Variants in NAALADL2 observed in about 807,000 individuals in gnomAD.
NAALADL2 encodes N-acetylated alpha-linked acidic dipeptidase like 2.
Under a neutral mutation model 87.2 loss-of-function variants are expected in NAALADL2, and 76 were observed. The ratio of observed to expected loss-of-function variants is 0.87; its 90% CI spans 0.72 to 1.05. The LOEUF is 1.05. Among genes scored for constraint, NAALADL2 ranks in the 50% least tolerant of loss-of-function variants. The pLI is 0.00. For missense variants in NAALADL2, 1,089 were observed against 945.8 expected (o/e 1.15, Z -1.99); for synonymous variants, 354 against 331.0 (o/e 1.07, Z -0.75).
intron 10 of NAALADL2, among the ~76,000 whole-genome samples, chr3:175,582,194 GA>G (rs1347629161): frequency 1.3e-5 from 2 of 150,668 alleles, no homozygotes; most frequent in Admixed American, 6.6e-5. Context: ...ATAAACACAA[GA>G]AGTTGAAATA....
chr3:175,458,803 C>T (rs1419542717), intron 6 of NAALADL2, among the ~76,000 whole-genome samples: 1 of 151,992 alleles, frequency 6.6e-6, no homozygotes, highest in Non-Finnish European at 1.5e-5. Flanking sequence ...ACAGGCTATT[C>T]ACTCTATATC....
intron 1 of NAALADL2, among the ~76,000 whole-genome samples, chr3:174,489,520 T>C (rs1310346818): frequency 6.6e-6 from 1 of 152,054 alleles, no homozygotes; most frequent in Non-Finnish European, 1.5e-5. Flanking sequence ...TGTTTTGTTT[T>C]GCAAATTATA....
intron 4 of NAALADL2, among the ~76,000 whole-genome samples, chr3:175,275,596 G>A (rs1264396326): frequency 1.3e-5 from 2 of 151,892 alleles, no homozygotes; most frequent in Non-Finnish European, 2.9e-5. Flanking sequence ...CAAAATGACT[G>A]TATTATGACA....
chr3:174,893,316 C>A (rs968500636), intron 1 of NAALADL2, among the ~76,000 whole-genome samples: 3 of 142,908 alleles, frequency 2.1e-5, no homozygotes, highest in Non-Finnish European at 4.6e-5. Context: ...TTCAACCCCC[C>A]CCCGCAAAAA....
chr3:174,759,351 C>T (rs981331927), intron 3 of NAALADL2, among the ~76,000 whole-genome samples: 1 of 152,130 alleles, frequency 6.6e-6, no homozygotes, highest in Non-Finnish European at 1.5e-5. Context: ...ATTTGTTTGC[C>T]TGTGCAAACT....
At chr3:175,107,371 C>T (rs1580481651) in intron 2 of NAALADL2, among the ~76,000 whole-genome samples, 1 of 151,934 alleles carries the variant, frequency 6.6e-6, no homozygotes, top group African/African-American at 2.4e-5. Flanking sequence ...CCTTTGGACT[C>T]AAGCTGTGTT....
At chr3:175,596,123 A>G (rs2149620734) in intron 10 of NAALADL2, among the ~76,000 whole-genome samples, 1 of 152,074 alleles carries the variant, frequency 6.6e-6, no homozygotes, top group South Asian at 2.1e-4. Flanking sequence ...GGAGGCCCTG[A>G]TAAAATACTG....
chr3:175,119,059 G>T (rs1043758216), intron 2 of NAALADL2, among the ~76,000 whole-genome samples: 1 of 148,624 alleles, frequency 6.7e-6, no homozygotes, highest in East Asian at 2.0e-4. Flanking sequence ...GCATTTATAC[G>T]TTTTTTTTTT....
intron 9 of NAALADL2, among the ~76,000 whole-genome samples, chr3:175,558,161 C>T (rs111950587): frequency 4.3e-5 from 6 of 139,680 alleles, no homozygotes; most frequent in African/African-American, 1.7e-4. Context: ...CGCCACTGCA[C>T]TCCAACCTGG....
intron 2 of NAALADL2, among the ~76,000 whole-genome samples, chr3:175,219,864 C>CTTT (rs1320578074): frequency 8.4e-6 from 1 of 118,708 alleles, no homozygotes; most frequent in African/African-American, 3.6e-5. Flanking sequence ...TTGTGGTTTT[C>CTTT]TTTCTTTTTT....
At chr3:175,685,273 C>CCTAG (rs1200844257) in intron 11 of NAALADL2, among the ~76,000 whole-genome samples, 1 of 152,120 alleles carries the variant, frequency 6.6e-6, no homozygotes, top group Non-Finnish European at 1.5e-5. Flanking sequence ...TCCTCTGACT[C>CCTAG]CTAGCATCAA....
chr3:175,777,189 CTG>C (rs1219575385), intron 13 of NAALADL2, among the ~76,000 whole-genome samples: 1 of 151,698 alleles, frequency 6.6e-6, no homozygotes, highest in Non-Finnish European at 1.5e-5. Context: ...TTTCTGTCAT[CTG>C]TGAGTTTCAA....
At chr3:175,033,564 C>A (rs1336031711) in intron 1 of NAALADL2, among the ~76,000 whole-genome samples, 1 of 152,090 alleles carries the variant, frequency 6.6e-6, no homozygotes, top group Non-Finnish European at 1.5e-5. Context: ...GGTGCCTGAT[C>A]CCATAGTTGT....
At chr3:174,871,793 G>A (rs184954515) in intron 1 of NAALADL2, among the ~76,000 whole-genome samples, 2 of 152,230 alleles carry the variant, frequency 1.3e-5, no homozygotes, top group Admixed American at 1.3e-4. Flanking sequence ...CAGCTACTTG[G>A]GAGGCTGAGA....
At chr3:174,873,199 GTC>G (rs3884084) in intron 1 of NAALADL2, among the ~76,000 whole-genome samples, 252 of 147,818 alleles carry the variant, frequency 1.7e-3, no homozygotes, top group African/African-American at 2.9e-3. Context: ...CTCTCTGTCT[GTC>G]TCTCTCTCTC....
At chr3:175,647,649 T>C (rs1284311797) in intron 11 of NAALADL2, among the ~76,000 whole-genome samples, 1 of 152,176 alleles carries the variant, frequency 6.6e-6, no homozygotes, top group Non-Finnish European at 1.5e-5. Flanking sequence ...TATTTGCTAC[T>C]TAAGCTTCAG....
intron 4 of NAALADL2, among the ~76,000 whole-genome samples, chr3:175,314,072 CAAAAAAAAA>C (rs10678475): frequency 1.3e-5 from 1 of 79,850 alleles, no homozygotes; most frequent in African/African-American, 4.3e-5. Flanking sequence ...GACTCCATCT[CAAAAAAAAA>C]AAAAAAAAAG....
chr3:174,462,203 A>T (rs1716259231), intron 1 of NAALADL2, among the ~76,000 whole-genome samples: 1 of 151,762 alleles, frequency 6.6e-6, no homozygotes, highest in Non-Finnish European at 1.5e-5. Flanking sequence ...TTTCTTTTTC[A>T]ATGTTATCCC....
intron 2 of NAALADL2, among the ~76,000 whole-genome samples, chr3:174,669,316 C>A (rs796982410): frequency 3.3e-5 from 5 of 151,856 alleles, no homozygotes; most frequent in African/African-American, 9.7e-5. Flanking sequence ...TGGATATTAG[C>A]CCTTTGTCAG....
Sources: gnomAD v4.1 joint callset for allele counts (sites outside exome capture counted in the v4.1 genomes callset) on GRCh38, gnomAD v4.1.1 for gene constraint, MANE v1.5 for transcripts, NCBI Gene and HGNC (gene_info 2026-07-23, HGNC 2026-07-21) for gene names.